Variants in CRAMP1 observed in about 807,000 individuals in gnomAD.
The protein encoded by CRAMP1 is cramped chromatin regulator 1.
In CRAMP1, 50 loss-of-function variants were observed where a neutral mutation model predicts 115.4. The observed-to-expected ratio is 0.43, with a 90% CI of 0.35 to 0.55. The LOEUF (loss-of-function observed/expected upper bound fraction) is 0.55, where lower values mean the gene tolerates loss of function less well. CRAMP1 is among the 20% of genes least tolerant of loss of function. The probability of loss-of-function intolerance (pLI) is 0.01; values close to 1 mark genes in which losing one functional copy is unlikely to be tolerated. For missense variants in CRAMP1, 1,679 were observed against 1,721.7 expected, an observed-to-expected ratio of 0.98 and a Z score of 0.44; for synonymous variants, 866 against 745.4, an observed-to-expected ratio of 1.16 and a Z score of -2.64.
At position 1,614,572 on chromosome 16, in the gene CRAMP1, C is replaced by T; in HGVS notation, c.-1-67C>T. The T allele has an allele frequency of 3.1e-6, 3 of 981,450 alleles. No homozygotes were observed. The highest frequency in any genetic ancestry group is 5.0e-5 in the South Asian group (1 of 19,902). The allele number at this position is 981,450 out of a possible 1,614,324, so 60.8% of individuals were successfully genotyped here. A position where few individuals can be genotyped will look rare whatever the true frequency, so the allele number is the denominator to read the frequency against. On this transcript the variant is annotated intron_variant, in intron 1 of 20. Transcript: ENST00000397412. This position sits in a 1 kb window ranked among gnomAD's most constrained non-coding sequence, Gnocchi z 4.4. ...AACAACGGCGGCCATGTTGAGAGCGCGTCGGGGCCGCTAAACTTCCCGGCC... is the reference window on the plus strand; with the variant it reads ...AACAACGGCGGCCATGTTGAGAGCGTGTCGGGGCCGCTAAACTTCCCGGCC...
chr16:1,629,990 C>G (rs1278963902), intron 3 of CRAMP1, among the ~76,000 whole-genome samples: 2 of 152,012 alleles, frequency 1.3e-5, no homozygotes, highest in African/African-American at 4.8e-5. Context: ...CTGGCCCCTC[C>G]AGGTCACCTC....
At chr16:1,642,593 A>G (rs574683230) in intron 6 of CRAMP1, among the ~76,000 whole-genome samples, 1 of 152,154 alleles carries the variant, frequency 6.6e-6, no homozygotes, top group Non-Finnish European at 1.5e-5. Flanking sequence ...CTCCTGCTCT[A>G]CCTCCATCAG....
chr16:1,652,786 C>T (rs2036735781), intron 7 of CRAMP1, among the ~76,000 whole-genome samples: 1 of 152,230 alleles, frequency 6.6e-6, no homozygotes, highest in Non-Finnish European at 1.5e-5. Flanking sequence ...TGGCAGCAGT[C>T]AGCAGAGTGG....
intron 6 of CRAMP1, among the ~76,000 whole-genome samples, chr16:1,648,011 G>C (rs532539939): frequency 6.6e-6 from 1 of 152,182 alleles, no homozygotes; most frequent in African/African-American, 2.4e-5. Context: ...GTTCAGTGTC[G>C]CAGCCTCAAG....
intron 5 of CRAMP1, among the ~76,000 whole-genome samples, chr16:1,640,266 C>T (rs1346684869): frequency 6.6e-6 from 1 of 152,106 alleles, no homozygotes; most frequent in African/African-American, 2.4e-5. Context: ...GATGTATTTG[C>T]CGGATAGAGA....
chr16:1,642,877 C>T (rs899950883), intron 6 of CRAMP1, among the ~76,000 whole-genome samples: 7 of 152,210 alleles, frequency 4.6e-5, no homozygotes, highest in Non-Finnish European at 7.3e-5. Context: ...GTCCGATGAG[C>T]GTTCCTTTTG....
intron 6 of CRAMP1, among the ~76,000 whole-genome samples, chr16:1,642,205 G>C (rs938986510): frequency 6.6e-6 from 1 of 152,172 alleles, no homozygotes; most frequent in Non-Finnish European, 1.5e-5. Flanking sequence ...TCCGTCCATA[G>C]CACTTCACCC....
At chr16:1,657,346 C>CAGTA (rs1357689450) in intron 10 of CRAMP1, among the ~76,000 whole-genome samples, 1 of 152,230 alleles carries the variant, frequency 6.6e-6, no homozygotes, top group African/African-American at 2.4e-5. Context: ...AACAGGCAGG[C>CAGTA]AGTACCTTGT....
In CRAMP1 at chr16:1,665,040, G is replaced by T; in HGVS notation, c.2671-17G>T. On this transcript the variant is annotated splice_polypyrimidine_tract_variant and intron_variant, in intron 13 of 20. Coordinates refer to ENST00000397412, the MANE Select transcript of CRAMP1 (RefSeq NM_020825.4). ...TGGGAGTTTCATCACCTTGATTGTT[G>T]ACCATTTTCCCCACAGAGAACACTG... 1 of 1,573,206 alleles carries T rather than the reference G, an allele frequency of 6.4e-7. No homozygotes were observed. The highest frequency in any genetic ancestry group is 1.1e-5 in the South Asian group (1 of 90,192).
chr16:1,651,810 G>A (rs138169529), intron 6 of CRAMP1, among the ~76,000 whole-genome samples: 18 of 150,950 alleles, frequency 1.2e-4, no homozygotes, highest in Admixed American at 1.1e-3. Context: ...GTCACACAGA[G>A]GTCACAGAAA....
intron 5 of CRAMP1, among the ~76,000 whole-genome samples, chr16:1,638,973 A>G (rs1186152163): frequency 6.6e-6 from 1 of 151,366 alleles, no homozygotes; most frequent in African/African-American, 2.4e-5. Flanking sequence ...TCCAGCCCGC[A>G]CTCATGTCCG....
chr16:1,667,329 C>T lies in CRAMP1; in HGVS notation c.3037-6C>T, dbSNP rs377337276. 6.2e-7 allele frequency: 1 copy of T among 1,612,828 alleles called. No individual in the cohort carries two copies. Among genetic ancestry groups the T allele is most frequent in the Non-Finnish European group, 8.5e-7 (1 of 1,179,650 alleles). Reference sequence around the variant, plus strand: ...GCGGCTGCTCATGGGCGTGCTCTTCCTGCAGGGCTCCGACCCATTTGTCAG... The same window carrying T: ...GCGGCTGCTCATGGGCGTGCTCTTCTTGCAGGGCTCCGACCCATTTGTCAG... On this transcript the variant is annotated splice_region_variant and splice_polypyrimidine_tract_variant and intron_variant, in intron 16 of 20. Transcript: ENST00000397412.
rs761628477 is a variant in CRAMP1, at chr16:1,666,560, C to T, written c.2996C>T (p.Thr999Ile). Reference sequence around the variant, plus strand: ...GGTGCCATCTCGGGGCAGGACTCTACTGGAACTCACCAGGATGGAGACACC... The same window carrying T: ...GGTGCCATCTCGGGGCAGGACTCTATTGGAACTCACCAGGATGGAGACACC... The part of the protein sequence containing the change: ...VTGAISGQDS[T>I]GTHQDGDTLP... Residue 999 changes from threonine (T) to isoleucine (I), a missense_variant, in exon 16 of 21, where the codon ACT (threonine) becomes ATT (isoleucine). Physicochemically the swap from Thr to Ile is moderately conservative, Grantham distance 89. Around this residue, in one of 8 missense-constraint regions of CRAMP1, gnomAD observed 709 missense variants for 741.9 expected, o/e 0.96. Transcript: ENST00000397412. This position sits in a 1 kb window ranked among gnomAD's most constrained non-coding sequence, Gnocchi z 5.0. 3.7e-6 allele frequency: 6 copies of T among 1,613,990 alleles called. No individual in the cohort carries two copies. Among genetic ancestry groups the T allele is most frequent in the East Asian group, 2.2e-5 (1 of 44,876 alleles).
chr16:1,669,801 C>T lies in CRAMP1; in HGVS notation c.3499+636C>T, dbSNP rs1488298755. On this transcript the variant is annotated intron_variant, in intron 19 of 20. Coordinates refer to ENST00000397412, the MANE Select transcript of CRAMP1 (RefSeq NM_020825.4). This position sits in a 1 kb window ranked among gnomAD's most constrained non-coding sequence, Gnocchi z 4.6. ...CTTCCCGCCCACAGTTGTACGGGGC[C>T]AGGGCTTGTGGCTGGGCACATCAGG... Among the ~76,000 whole-genome samples, 7 of 152,186 alleles carry T rather than the reference C, an allele frequency of 4.6e-5. No individual in the cohort carries two copies. In the East Asian group the frequency reaches 1.3e-3, roughly 29 times the overall value.
rs564773393 is a variant in CRAMP1, at chr16:1,670,652, T to C, written c.3500-12T>C. On this transcript the variant is annotated splice_polypyrimidine_tract_variant and intron_variant, in intron 19 of 20. Transcript: ENST00000397412. Reference sequence around the variant, plus strand: ...GGGTTCAGGGTGTTTTCCTCTGGCCTTTTCTCCGCAGCAAGCTTCATCTCC... The same window carrying C: ...GGGTTCAGGGTGTTTTCCTCTGGCCCTTTCTCCGCAGCAAGCTTCATCTCC... 2 of 1,613,572 alleles carry C rather than the reference T, an allele frequency of 1.2e-6. No homozygotes were observed. Among genetic ancestry groups the C allele is most frequent in the Admixed American group, 1.7e-5 (1 of 59,992 alleles).
At chr16:1,613,952 G>A (rs2036390015) in intron 1 of CRAMP1, among the ~76,000 whole-genome samples, 1 of 152,176 alleles carries the variant, frequency 6.6e-6, no homozygotes, top group Admixed American at 6.5e-5. Context: ...AAGCAGGCGG[G>A]CCGGCGGCAT....
chr16:1,647,010 G>A, intron 6 of CRAMP1: 1 of 702,700 alleles, frequency 1.4e-6, no homozygotes, highest in Non-Finnish European at 2.6e-6. Context: ...ACCGTTCTTT[G>A]ACCAGCAGAC....
At chr16:1,615,094 G>A (rs531070701) in intron 2 of CRAMP1, 109 bp downstream of exon 2, 2 of 588,734 alleles carry the variant, frequency 3.4e-6, no homozygotes, top group Non-Finnish European at 5.0e-6. Flanking sequence ...CCCATCCCGC[G>A]GCCTACACTG....
chr16:1,667,441 C>T (rs778948868), intron 17 of CRAMP1, 41 bp downstream of exon 17: 1 of 1,533,988 alleles, frequency 6.5e-7, no homozygotes, highest in South Asian at 1.1e-5. Context: ...GCAGCTGCCC[C>T]AGGACTCCCT....
Sources: gnomAD v4.1 joint callset for allele counts (sites outside exome capture counted in the v4.1 genomes callset) on GRCh38, gnomAD v4.1.1 for gene constraint, gnomAD v4.1.1 regional missense constraint, Gnocchi (gnomAD v3.1) non-coding constraint, MANE v1.5 for transcripts, NCBI Gene and HGNC (gene_info 2026-07-23, HGNC 2026-07-21) for gene names.